Variants in CTSH observed in about 807,000 individuals in gnomAD.
The protein encoded by CTSH is cathepsin H.
Under a neutral mutation model 56.3 loss-of-function variants are expected in CTSH, and 52 were observed. The observed-to-expected ratio is 0.92, with a 90% CI of 0.74 to 1.16. CTSH has a LOEUF of 1.16. Among genes scored for constraint, CTSH ranks in the 50% most tolerant of loss-of-function variants. CTSH has a pLI of 0.00. For missense variants in CTSH, 406 were observed against 424.5 expected, an observed-to-expected ratio of 0.96 and a Z score of 0.38; for synonymous variants, 174 against 155.7, an observed-to-expected ratio of 1.12 and a Z score of -0.88.
At chr15:78,927,859 T>C in intron 8 of CTSH, 78 bp from the exon 9 acceptor site, 1 of 1,204,964 alleles carries the variant, frequency 8.3e-7, no homozygotes, top group African/African-American at 1.5e-5. Flanking sequence ...CAATAACATT[T>C]ACTAAACAAA....
chr15:78,925,656 A>G, intron 9 of CTSH: 1 of 488,902 alleles, frequency 2.0e-6, no homozygotes, highest in Non-Finnish European at 3.8e-6. Context: ...GAAACCCTGC[A>G]CCCTCTGAGA....
intron 9 of CTSH, chr15:78,925,960 C>G (rs2054895082): frequency 6.4e-6 from 1 of 156,024 alleles, no homozygotes; most frequent in Admixed American, 6.3e-5. Flanking sequence ...AGCTTTGGAA[C>G]AGAGCTGCAG....
intron 3 of CTSH, among the ~76,000 whole-genome samples, chr15:78,936,322 C>T (rs180840248): frequency 1.3e-5 from 2 of 151,718 alleles, no homozygotes; most frequent in East Asian, 1.9e-4. Flanking sequence ...GCTGAGACTA[C>T]AGGCACCTGC....
intron 7 of CTSH, among the ~76,000 whole-genome samples, chr15:78,929,855 C>T (rs2055010278): frequency 1.3e-5 from 2 of 152,198 alleles, no homozygotes; most frequent in Admixed American, 6.5e-5. Flanking sequence ...TCCCTGACCC[C>T]TCGTGTCGAC....
chr15:78,922,941 C>T, intron 11 of CTSH, 52 bp downstream of exon 11: 1 of 1,573,642 alleles, frequency 6.4e-7, no homozygotes, highest in Non-Finnish European at 8.6e-7. Context: ...CCCAGGGCCT[C>T]CAGGCCTGAG....
intron 1 of CTSH, among the ~76,000 whole-genome samples, chr15:78,940,973 A>G (rs4779136): frequency 6.6e-6 from 1 of 152,160 alleles, no homozygotes. Context: ...TAAAGAAAAC[A>G]AAACAAAAAA....
intron 5 of CTSH, among the ~76,000 whole-genome samples, chr15:78,934,533 T>C (rs1009212970): frequency 6.6e-6 from 1 of 152,128 alleles, no homozygotes; most frequent in Non-Finnish European, 1.5e-5. Flanking sequence ...GCCCCTGCCA[T>C]GAGAAGCTTG....
At chr15:78,929,066 C>T (rs1328249641) in intron 8 of CTSH, among the ~76,000 whole-genome samples, 1 of 151,778 alleles carries the variant, frequency 6.6e-6, no homozygotes, top group East Asian at 1.9e-4. Context: ...AGGCCAACTG[C>T]ATGGACAGAG....
At chr15:78,929,360 A>G in intron 8 of CTSH, 52 bp downstream of exon 8, 3 of 1,395,494 alleles carry the variant, frequency 2.1e-6, no homozygotes, top group Non-Finnish European at 3.0e-6. Context: ...GGAGGGAGTG[A>G]AGCTAGGCAT....
rs747122169 is a variant in CTSH at position 78,935,681 on chromosome 15, T to C, written c.299A>G (p.Gln100Arg). The C allele has an allele frequency of 1.2e-6, 2 of 1,608,906 alleles. No homozygotes were observed. Among genetic ancestry groups the C allele is most frequent in the Non-Finnish European group, 1.7e-6 (2 of 1,175,846 alleles). The change falls in exon 4 of 12, where the codon CAG (glutamine) becomes CGG (arginine). Residue 100 changes from glutamine (Q) to arginine (R), a missense_variant and splice_region_variant. Physicochemically the swap from Gln to Arg is conservative, Grantham distance 43. Coordinates refer to ENST00000220166, the MANE Select transcript of CTSH (RefSeq NM_004390.5). ...IKHKYLWSEP[Q>R]NCSATKSNYL... ...TTGGTTGCAATGAATTATACCTACC[T>C]GAGGCTCTGACCAGAGATACTTGTG...
In CTSH at chr15:78,931,634, T is replaced by TATA. The variant is rs1341890454; in HGVS notation, c.493-131_493-129dup. 34 of 1,550,228 alleles carry TATA rather than the reference T, an allele frequency of 2.2e-5. No individual in the cohort carries two copies. In the East Asian group the frequency reaches 6.5e-4, roughly 29 times the overall value. On this transcript the variant is annotated intron_variant, in intron 6 of 11. Transcript: ENST00000220166. The stretch of plus-strand genomic sequence containing the variant: ...CAGTGCTGTGTCAAGGTGACCAAAT[T>TATA]ATAAACTCCCCAAGGGCAGGGACAG...
At chr15:78,943,591 TAGA>T (rs1226324119) in intron 1 of CTSH, among the ~76,000 whole-genome samples, 1 of 152,204 alleles carries the variant, frequency 6.6e-6, no homozygotes, top group Admixed American at 6.5e-5. Context: ...TTTAAATGGT[TAGA>T]AGAAACATAT....
chr15:78,927,830 T>G, intron 8 of CTSH, 49 bp from the exon 9 acceptor site: 1 of 1,491,794 alleles, frequency 6.7e-7, no homozygotes, highest in South Asian at 1.1e-5. Flanking sequence ...ACCCGAAGTC[T>G]CAGCCTCCCC....
intron 1 of CTSH, among the ~76,000 whole-genome samples, chr15:78,942,171 T>C (rs1240529865): frequency 6.6e-6 from 1 of 151,818 alleles, no homozygotes; most frequent in Non-Finnish European, 1.5e-5. Context: ...TCCAATCCCA[T>C]GGTGCTCTAT....
At chr15:78,928,031 G>A (rs1209750041) in intron 8 of CTSH, among the ~76,000 whole-genome samples, 11 of 152,200 alleles carry the variant, frequency 7.2e-5, no homozygotes, top group East Asian at 1.9e-4. Flanking sequence ...GGCCTCACCC[G>A]GCCTGAGGAA....
At chr15:78,933,975 G>T (rs548709481) in intron 5 of CTSH, among the ~76,000 whole-genome samples, 15 of 152,318 alleles carry the variant, frequency 9.8e-5, no homozygotes, top group Non-Finnish European at 1.9e-4. Flanking sequence ...GAAAATTCTT[G>T]GTGGGCCTCT....
chr15:78,930,291 C>A (rs907095146), intron 7 of CTSH, among the ~76,000 whole-genome samples: 4 of 152,126 alleles, frequency 2.6e-5, no homozygotes, highest in Non-Finnish European at 4.4e-5. Context: ...TTTGGGAGGC[C>A]AAGGTGGGTG....
intron 2 of CTSH, among the ~76,000 whole-genome samples, chr15:78,938,367 T>TA (rs2055220352): frequency 1.4e-5 from 2 of 144,302 alleles, no homozygotes; most frequent in African/African-American, 2.6e-5. Flanking sequence ...AGACTCTGTC[T>TA]CAAAAAAAAA....
intron 6 of CTSH, chr15:78,931,837 G>A: frequency 2.3e-6 from 3 of 1,286,656 alleles, no homozygotes; most frequent in Non-Finnish European, 3.0e-6. Flanking sequence ...TAGGATGGGG[G>A]AAACAGGCCC....
Sources: gnomAD v4.1 joint callset for allele counts (sites outside exome capture counted in the v4.1 genomes callset) on GRCh38, gnomAD v4.1.1 for gene constraint, MANE v1.5 for transcripts, NCBI Gene and HGNC (gene_info 2026-07-23, HGNC 2026-07-21) for gene names.